The following PDE6H variants were observed in gnomAD, a reference collection of about 807,000 sequenced individuals.
The protein encoded by PDE6H is phosphodiesterase 6H, also known as retinal cone rhodopsin-sensitive cGMP 3',5'-cyclic phosphodiesterase subunit gamma.
In PDE6H, 11 loss-of-function variants were observed where a neutral mutation model predicts 9.2. That is an observed-to-expected ratio of 1.19 (90% CI 0.75 to 1.97). The LOEUF is 1.97. Ranked by LOEUF, PDE6H falls within the 30% of genes most tolerant of loss-of-function variation. The probability of loss-of-function intolerance (pLI) is 0.00; values close to 1 mark genes in which losing one functional copy is unlikely to be tolerated. For synonymous variants in PDE6H, 36 were observed against 33.6 expected (o/e 1.07, Z -0.25); for missense variants, 98 against 101.5 (o/e 0.97, Z 0.15).
At chr12:14,980,022 T>C (rs1158015045) in intron 3 of PDE6H, among the ~76,000 whole-genome samples, 1 of 152,226 alleles carries the variant, frequency 6.6e-6, no homozygotes, top group Non-Finnish European at 1.5e-5. Flanking sequence ...TCCCTTGTGT[T>C]GTAAAGTTCT....
chr12:14,973,119 C>A (rs1347486602), intron 1 of PDE6H, 33 bp downstream of exon 1: 1 of 152,154 alleles, frequency 6.6e-6, no homozygotes, highest in African/African-American at 2.4e-5. Flanking sequence ...TGAATTTGAG[C>A]AGGATAATTG....
At chr12:14,979,652 C>A (rs1353502027) in intron 3 of PDE6H, among the ~76,000 whole-genome samples, 2 of 152,196 alleles carry the variant, frequency 1.3e-5, no homozygotes, top group African/African-American at 4.8e-5. Flanking sequence ...CTCTACCTGG[C>A]AAACCACTTC....
intron 1 of PDE6H, among the ~76,000 whole-genome samples, chr12:14,975,969 C>T (rs947320144): frequency 2.2e-4 from 33 of 151,796 alleles, no homozygotes; most frequent in African/African-American, 6.5e-4. Flanking sequence ...TACAGGTGCC[C>T]GCCACCACAC....
chr12:14,981,315 G>A (rs1565473285), intron 3 of PDE6H, 85 bp from the exon 4 acceptor site: 1 of 854,460 alleles, frequency 1.2e-6, no homozygotes, highest in South Asian at 1.3e-5. Context: ...GAGGAGTGAA[G>A]TGTCTCTGCC....
At chr12:14,975,856 T>G (rs1430185195) in intron 1 of PDE6H, among the ~76,000 whole-genome samples, 5 of 148,842 alleles carry the variant, frequency 3.4e-5, no homozygotes, top group Non-Finnish European at 7.4e-5. Flanking sequence ...GGTCTTGCCC[T>G]GTCGCCCAGG....
chr12:14,979,918 A>G (rs183204170), intron 3 of PDE6H, among the ~76,000 whole-genome samples: 3 of 152,264 alleles, frequency 2.0e-5, no homozygotes, highest in Admixed American at 2.0e-4. Context: ...AGTTTCCTCT[A>G]TTATTAACAT....
At chr12:14,974,035 C>T (rs1014035955) in intron 1 of PDE6H, among the ~76,000 whole-genome samples, 1 of 152,206 alleles carries the variant, frequency 6.6e-6, no homozygotes, top group African/African-American at 2.4e-5. Flanking sequence ...TACTTTGCTG[C>T]ATCCACTTAT....
intron 2 of PDE6H, among the ~76,000 whole-genome samples, chr12:14,978,399 G>C (rs1864630062): frequency 6.6e-6 from 1 of 152,156 alleles, no homozygotes; most frequent in Admixed American, 6.5e-5. Flanking sequence ...CTTTGACTTT[G>C]CCTTGCAGGC....
chr12:14,981,486 G>C lies in PDE6H; in HGVS notation c.*10G>C. On this transcript the variant is annotated 3_prime_UTR_variant, in exon 4 of 4. Coordinates refer to ENST00000266395, the MANE Select transcript of PDE6H (RefSeq NM_006205.3). Reference sequence around the variant, plus strand: ...GTTTGGGATTATCTGAAGTGCCAGAGGTTCTGCCACTCTCAATGACATCTG... The same window carrying C: ...GTTTGGGATTATCTGAAGTGCCAGACGTTCTGCCACTCTCAATGACATCTG... The C allele has an allele frequency of 6.3e-7, 1 of 1,598,984 alleles. No homozygotes were observed. Among genetic ancestry groups the C allele is most frequent in the South Asian group, 1.1e-5 (1 of 90,804 alleles).
intron 1 of PDE6H, among the ~76,000 whole-genome samples, chr12:14,973,619 A>T (rs907826847): frequency 2.7e-5 from 4 of 149,674 alleles, no homozygotes; most frequent in Non-Finnish European, 6.0e-5. Flanking sequence ...AATTTTGGTA[A>T]TTTTTTTTTT....
chr12:14,973,553 G>A (rs1864549942), intron 1 of PDE6H, among the ~76,000 whole-genome samples: 1 of 152,202 alleles, frequency 6.6e-6, no homozygotes, highest in South Asian at 2.1e-4. Context: ...AGGTGGCTGA[G>A]CCTTCTCCCT....
intron 1 of PDE6H, among the ~76,000 whole-genome samples, chr12:14,974,633 T>C (rs935698590): frequency 3.9e-5 from 6 of 152,242 alleles, no homozygotes; most frequent in African/African-American, 1.4e-4. Context: ...CACGTGTGAT[T>C]TTTAAATTCT....
At chr12:14,974,161 A>T (rs181913382) in intron 1 of PDE6H, among the ~76,000 whole-genome samples, 118 of 152,334 alleles carry the variant, frequency 7.7e-4, no homozygotes, top group Non-Finnish European at 1.6e-4. Context: ...TGGAGGAAAA[A>T]ATATGAAACT....
At chr12:14,974,726 C>T (rs765834178) in intron 1 of PDE6H, among the ~76,000 whole-genome samples, 21 of 152,120 alleles carry the variant, frequency 1.4e-4, no homozygotes, top group African/African-American at 2.2e-4. Context: ...AGTTAACAGT[C>T]GGGGTGTTTG....
intron 1 of PDE6H, among the ~76,000 whole-genome samples, chr12:14,976,910 A>G (rs963840297): frequency 1.3e-5 from 2 of 152,214 alleles, no homozygotes; most frequent in Non-Finnish European, 2.9e-5. Context: ...AAAGAAAATA[A>G]CGTCATCCAA....
At chr12:14,975,837 T>A (rs78677050) in intron 1 of PDE6H, among the ~76,000 whole-genome samples, 3 of 102,184 alleles carry the variant, frequency 2.9e-5, no homozygotes. Context: ...TTTTTTTTTT[T>A]GGAGACGGGG....
intron 1 of PDE6H, among the ~76,000 whole-genome samples, chr12:14,976,564 C>T (rs1332588497): frequency 6.6e-6 from 1 of 152,104 alleles, no homozygotes; most frequent in Non-Finnish European, 1.5e-5. Flanking sequence ...TGGGTCATGC[C>T]TGTAAACCTA....
At chr12:14,975,005 A>G (rs1338507940) in intron 1 of PDE6H, among the ~76,000 whole-genome samples, 1 of 152,216 alleles carries the variant, frequency 6.6e-6, no homozygotes, top group Non-Finnish European at 1.5e-5. Flanking sequence ...GATTCATTTT[A>G]TAGATGGAAT....
intron 3 of PDE6H, among the ~76,000 whole-genome samples, chr12:14,980,570 G>A (rs991211502): frequency 6.6e-6 from 1 of 152,162 alleles, no homozygotes; most frequent in Admixed American, 6.5e-5. Flanking sequence ...CCAATCCTGG[G>A]ATCTTGAATG....
Sources: gnomAD v4.1 joint callset for allele counts (sites outside exome capture counted in the v4.1 genomes callset) on GRCh38, gnomAD v4.1.1 for gene constraint, MANE v1.5 for transcripts, NCBI Gene and HGNC (gene_info 2026-07-23, HGNC 2026-07-21) for gene names.